RBFOX1: variants seen among roughly 807,000 people sequenced by gnomAD.
RBFOX1 encodes the protein RNA binding protein fox-1 homolog 1.
A neutral mutation model predicts 57.7 loss-of-function variants in RBFOX1; 8 were observed. The ratio of observed to expected loss-of-function variants is 0.14; its 90% CI spans 0.08 to 0.25. RBFOX1 has a LOEUF of 0.25. Ranked by LOEUF, RBFOX1 falls within the 10% of genes least tolerant of loss-of-function variation. The probability of loss-of-function intolerance (pLI) is 1.00; values close to 1 mark genes in which losing one functional copy is unlikely to be tolerated. For missense variants in RBFOX1, 611 were observed against 548.5 expected (o/e 1.11, Z -1.14); for synonymous variants, 326 against 222.4 (o/e 1.47, Z -4.15).
chr16:6,182,322 G>A (rs1232461080), intron 1 of RBFOX1, among the ~76,000 whole-genome samples: 1 of 152,158 alleles, frequency 6.6e-6, no homozygotes, highest in East Asian at 1.9e-4. Context: ...CTTTCATAAA[G>A]TGTTGCTTCT....
At chr16:7,481,638 C>A (rs2063962078) in intron 4 of RBFOX1, among the ~76,000 whole-genome samples, 1 of 152,184 alleles carries the variant, frequency 6.6e-6, no homozygotes, top group Non-Finnish European at 1.5e-5. Context: ...CTATTGAAAA[C>A]ATATTTGGTA....
rs1001473885 is a variant in RBFOX1, at chr16:6,093,881, A to C, written c.-127+73889A>C. 4.6e-5 allele frequency among the ~76,000 whole-genome samples: 7 copies of C among 151,880 alleles called. No individual in the cohort carries two copies. The East Asian group carries it at 1.2e-3, about 25-fold the overall frequency. ...GCAATTCTCCCTCCTCCGCCTCCCA[A>C]AGTTCTGAGATTACAGACTGGAGCC... is the stretch of plus-strand genomic sequence containing the variant. On this transcript the variant is annotated intron_variant, in intron 1 of 15. Transcript: ENST00000550418.
chr16:6,079,299 C>G (rs968589259), intron 1 of RBFOX1, among the ~76,000 whole-genome samples: 2 of 152,108 alleles, frequency 1.3e-5, no homozygotes, highest in African/African-American at 4.8e-5. Context: ...AAGCGAGACT[C>G]TGTCTCAAAA....
At chr16:6,011,117 G>C (rs943083005) in intron 4 of RBFOX1, among the ~76,000 whole-genome samples, 5 of 152,176 alleles carry the variant, frequency 3.3e-5, no homozygotes, top group Non-Finnish European at 7.3e-5. Flanking sequence ...GCATTTGAAA[G>C]AAATCGATTG....
At chr16:6,438,110 C>T (rs1355447583) in intron 2 of RBFOX1, among the ~76,000 whole-genome samples, 1 of 152,182 alleles carries the variant, frequency 6.6e-6, no homozygotes, top group Admixed American at 6.5e-5. Context: ...CATCAAAGAC[C>T]TTGCTATTTA....
chr16:5,970,576 C>T (rs531486068), intron 4 of RBFOX1, among the ~76,000 whole-genome samples: 3 of 152,232 alleles, frequency 2.0e-5, no homozygotes, highest in South Asian at 4.2e-4. Context: ...AATCTTGACC[C>T]TGAGTAATTT....
chr16:6,813,964 C>T (rs973311505), intron 3 of RBFOX1, among the ~76,000 whole-genome samples: 2 of 152,190 alleles, frequency 1.3e-5, no homozygotes, highest in East Asian at 1.9e-4. Flanking sequence ...GTCCTTGCTA[C>T]TAACACTCTC....
rs1312611386 is a variant in RBFOX1, at chr16:7,140,250, AT to A, written c.27+88161del. 4.8e-3 allele frequency among the ~76,000 whole-genome samples: 140 copies of A among 29,116 alleles called. 1 individual carries two copies. Among genetic ancestry groups the A allele is most frequent in the African/African-American group, 0.017 (127 of 7,430 alleles). 19.1% of individuals were successfully genotyped at this position (29,116 alleles called of 152,430 possible). A position where few individuals can be genotyped will look rare whatever the true frequency, so the allele number is the denominator to read the frequency against. ...CTGAATGGACAAATAAATTTTGTCC[AT>A]TTTTTTTTAAATGGCTTTTTTTTTT... is the stretch of plus-strand genomic sequence containing the variant. On this transcript the variant is annotated intron_variant, in intron 4 of 15. Coordinates refer to ENST00000550418, the MANE Select transcript of RBFOX1 (RefSeq NM_018723.4).
intron 4 of RBFOX1, among the ~76,000 whole-genome samples, chr16:7,216,642 A>AGT (rs1412091385): frequency 6.6e-6 from 1 of 150,614 alleles, no homozygotes; most frequent in Non-Finnish European, 1.5e-5. Flanking sequence ...TGGGCAACAG[A>AGT]GTGAGACTCC....
At chr16:6,779,032 C>T (rs759823156) in intron 3 of RBFOX1, among the ~76,000 whole-genome samples, 55 of 151,958 alleles carry the variant, frequency 3.6e-4, no homozygotes, top group Non-Finnish European at 1.5e-4. Flanking sequence ...AACTACTACT[C>T]TAGTTATTTT....
chr16:7,659,791 T>G lies in RBFOX1; in HGVS notation c.891-5138T>G, dbSNP rs183258855. Among the ~76,000 whole-genome samples, 172 of 152,308 alleles carry G rather than the reference T, an allele frequency of 1.1e-3. 3 individuals are homozygous for G. Among genetic ancestry groups the G allele is most frequent in the South Asian group, 1.5e-3 (7 of 4,826 alleles). On this transcript the variant is annotated intron_variant, in intron 12 of 15. Coordinates refer to ENST00000550418, the MANE Select transcript of RBFOX1 (RefSeq NM_018723.4). ...TAATCCAAACAGCCTCTGAATAGCA[T>G]GAACTTATAGACAAACATGATGAAT...
At chr16:5,706,378 C>T (rs562668218) in intron 3 of RBFOX1, among the ~76,000 whole-genome samples, 2 of 152,244 alleles carry the variant, frequency 1.3e-5, no homozygotes, top group South Asian at 2.1e-4. Context: ...TGTCGATTGC[C>T]CCGAATCACC....
At chr16:7,434,117 G>T (rs1045452324) in intron 4 of RBFOX1, among the ~76,000 whole-genome samples, 1 of 152,082 alleles carries the variant, frequency 6.6e-6, no homozygotes, top group Non-Finnish European at 1.5e-5. Context: ...TGGAGAGCAC[G>T]GAGTAAAGTT....
intron 2 of RBFOX1, among the ~76,000 whole-genome samples, chr16:6,603,643 G>T (rs1043186121): frequency 1.3e-5 from 2 of 152,160 alleles, no homozygotes; most frequent in African/African-American, 4.8e-5. Flanking sequence ...GCAGCTGGGG[G>T]TTATGCACCA....
At chr16:5,540,793 C>G (rs4427804) in intron 2 of RBFOX1, among the ~76,000 whole-genome samples, 46,588 of 152,088 alleles carry the variant, frequency 0.31, 8,486 homozygotes, top group East Asian at 0.86. Flanking sequence ...TTTTGGAGTG[C>G]AGAATCTCAG....
At chr16:6,333,810 GATTT>G (rs1326976339) in intron 2 of RBFOX1, among the ~76,000 whole-genome samples, 1 of 152,110 alleles carries the variant, frequency 6.6e-6, no homozygotes, top group African/African-American at 2.4e-5. Flanking sequence ...TCATCTGTCA[GATTT>G]ATTTATCAGT....
intron 3 of RBFOX1, among the ~76,000 whole-genome samples, chr16:6,682,710 C>T (rs2058839301): frequency 6.6e-6 from 1 of 151,956 alleles, no homozygotes; most frequent in South Asian, 2.1e-4. Flanking sequence ...AAATTGCCCC[C>T]TGTTTGACGA....
intron 2 of RBFOX1, among the ~76,000 whole-genome samples, chr16:6,452,865 T>TA (rs1251284657): frequency 6.6e-6 from 1 of 152,140 alleles, no homozygotes. Context: ...GGGTCCTGAG[T>TA]AGATATAAGA....
chr16:5,700,001 T>G (rs1275935855), intron 3 of RBFOX1, among the ~76,000 whole-genome samples: 1 of 151,858 alleles, frequency 6.6e-6, no homozygotes, highest in African/African-American at 2.4e-5. Flanking sequence ...CCCGGCTAAT[T>G]TTTTGTATTT....
Sources: allele counts gnomAD v4.1 joint callset (sites outside exome capture counted in the v4.1 genomes callset), GRCh38; gene constraint gnomAD v4.1.1; transcripts MANE v1.5; gene names NCBI Gene and HGNC (gene_info 2026-07-23, HGNC 2026-07-21).